The following BEST2 variants were observed in gnomAD, a reference collection of about 807,000 sequenced individuals.
BEST2 encodes bestrophin 2.
Under a neutral mutation model 49.0 loss-of-function variants are expected in BEST2, and 36 were observed. The ratio of observed to expected loss-of-function variants is 0.73; its 90% CI spans 0.56 to 0.97. The LOEUF is 0.97. Among genes scored for constraint, BEST2 ranks in the 50% least tolerant of loss-of-function variants. The probability of loss-of-function intolerance (pLI) is 0.00; values close to 1 mark genes in which losing one functional copy is unlikely to be tolerated. For synonymous variants in BEST2, 335 were observed against 304.4 expected (o/e 1.10, Z -1.05); for missense variants, 672 against 710.0 (o/e 0.95, Z 0.61).
chr19:12,754,966 C>T lies in BEST2; in HGVS notation c.571C>T (p.Leu191=). The change falls in exon 5 of 10, where the codon CTG becomes TTG. Residue 191 remains leucine (L), a synonymous_variant. Transcript: ENST00000553030. ...YWVPCVWFSN[L]AAQARREGRI... Reference sequence around the variant, plus strand: ...GGTGCCCTGCGTCTGGTTCTCCAACCTGGCGGCACAGGCCCGACGCGAGGG... The same window carrying T: ...GGTGCCCTGCGTCTGGTTCTCCAACTTGGCGGCACAGGCCCGACGCGAGGG... 6.2e-7 allele frequency: 1 copy of T among 1,613,844 alleles called. No homozygotes were observed. The highest frequency in any genetic ancestry group is 8.5e-7 in the Non-Finnish European group (1 of 1,179,914).
Position 12,755,357 on chromosome 19 carries a change from C to G in BEST2, c.637-22C>G. ...TGTGAGCTCACCATTCAGGCCTCCT[C>G]ATGACCTGTATCCACCCCCAGGAGC... On this transcript the variant is annotated intron_variant, in intron 5 of 9. Coordinates refer to ENST00000553030, the MANE Select transcript of BEST2 (RefSeq NM_017682.3). This position sits in a 1 kb window ranked among gnomAD's most constrained non-coding sequence, Gnocchi z 4.4. 6.2e-7 allele frequency: 1 copy of G among 1,612,632 alleles called. No homozygotes were observed. The highest frequency in any genetic ancestry group is 1.1e-5 in the South Asian group (1 of 91,048).
chr19:12,756,516 G>C (rs535499059), intron 9 of BEST2: 1 of 626,896 alleles, frequency 1.6e-6, no homozygotes, highest in East Asian at 2.9e-5. Flanking sequence ...TGAGGTCAGC[G>C]AGGATCAGAC....
At chr19:12,754,525 G>A in intron 3 of BEST2, 27 bp from the exon 4 acceptor site, 1 of 1,452,274 alleles carries the variant, frequency 6.9e-7, no homozygotes. Flanking sequence ...TGTCCCCACT[G>A]AGCCCCCATT....
chr19:12,756,586 G>A (rs1312101449), intron 9 of BEST2: 1 of 405,924 alleles, frequency 2.5e-6, no homozygotes, highest in East Asian at 4.9e-5. Context: ...GCTCACGCCT[G>A]TAATCCCAGT....
Position 12,752,543 on chromosome 19 carries a change from C to A in BEST2, c.-50C>A, listed in dbSNP as rs199575171. 3,278 of 1,597,012 alleles carry A rather than the reference C, an allele frequency of 2.1e-3. 69 individuals carry two copies. Among genetic ancestry groups the A allele is most frequent in the East Asian group, 6.5e-4 (29 of 44,694 alleles). ...GCACCTCTCCACCCACACCCGCAGC[C>A]CCCACCCGGGCCACCCACTCTCCCT... On this transcript the variant is annotated splice_region_variant and 5_prime_UTR_variant, in exon 2 of 10. Coordinates refer to ENST00000553030, the MANE Select transcript of BEST2 (RefSeq NM_017682.3).
intron 3 of BEST2, 104 bp downstream of exon 3, chr19:12,753,458 C>G (rs1286462868): frequency 2.4e-5 from 27 of 1,116,680 alleles, no homozygotes; most frequent in Middle Eastern, 2.2e-4. Context: ...GATCCCCCCC[C>G]TCAAATCCAA....
rs1599458250 is a variant in BEST2, at chr19:12,755,149, G to C, written c.636+118G>C. The C allele has an allele frequency of 7.7e-7, 1 of 1,305,256 alleles. No individual in the cohort carries two copies. The highest frequency in any genetic ancestry group is 2.5e-5 in the East Asian group (1 of 40,106). 80.9% of individuals were successfully genotyped at this position (1,305,256 alleles called of 1,614,324 possible). On this transcript the variant is annotated intron_variant, in intron 5 of 9. Coordinates refer to ENST00000553030, the MANE Select transcript of BEST2 (RefSeq NM_017682.3). This position sits in a 1 kb window ranked among gnomAD's most constrained non-coding sequence, Gnocchi z 4.4. ...GGCCGATTTCAAACACCCTCACCAG[G>C]TGCACTCTTACCTCCATGGGGCTGA...
chr19:12,754,756 T>C lies in BEST2; in HGVS notation c.452T>C (p.Phe151Ser). 6.3e-7 allele frequency: 1 copy of C among 1,589,490 alleles called. No individual in the cohort carries two copies. Among genetic ancestry groups the C allele is most frequent in the Middle Eastern group, 1.7e-4 (1 of 6,026 alleles). ...GTCAGCACCGCGGTGTTCAAGCGCTTCCCCACCATAGACCACGTGGTGGAG... is the reference window on the plus strand; with the variant it reads ...GTCAGCACCGCGGTGTTCAAGCGCTCCCCCACCATAGACCACGTGGTGGAG... ...RSVSTAVFKRFPTIDHVVEAG... is the reference protein window; with the variant it reads ...RSVSTAVFKRSPTIDHVVEAG... The change falls in exon 4 of 10, where the codon TTC becomes TCC. Residue 151 changes from phenylalanine to serine, a missense_variant. Around this residue, in one of 3 missense-constraint regions of BEST2, gnomAD observed 365 missense variants for 390.9 expected, o/e 0.93. Transcript: ENST00000553030.
rs1175518472 is a variant in BEST2 at position 12,758,133 on chromosome 19, C to A, written c.*56C>A. The A allele has an allele frequency of 1.3e-6, 2 of 1,571,842 alleles. No individual in the cohort carries two copies. Among genetic ancestry groups the A allele is most frequent in the Non-Finnish European group, 1.7e-6 (2 of 1,156,758 alleles). ...GAACCAGGTCCCTGCACGGCACCCA[C>A]GCAGGTGTCCCGGTCTGCATAAGCC... On this transcript the variant is annotated 3_prime_UTR_variant, in exon 10 of 10. Transcript: ENST00000553030.
In BEST2 at chr19:12,757,893, G is replaced by A. The variant is rs777527950; in HGVS notation, c.1346G>A (p.Gly449Glu). 37 of 1,552,398 alleles carry A rather than the reference G, an allele frequency of 2.4e-5. No homozygotes were observed. Among genetic ancestry groups the A allele is most frequent in the Admixed American group, 1.4e-4 (7 of 51,058 alleles). The change falls in exon 10 of 10, where the codon GGG becomes GAG. Residue 449 changes from glycine to glutamate, a missense_variant. By Grantham distance (98) the Gly-to-Glu change is moderately conservative. Around this residue, in one of 3 missense-constraint regions of BEST2, gnomAD observed 291 missense variants for 279.8 expected, o/e 1.04. Coordinates refer to ENST00000553030, the MANE Select transcript of BEST2 (RefSeq NM_017682.3). ...PEGAAPECSC[G>E]DPLLDPGLPE... ...GGCGCGGCCCCGGAGTGCAGCTGCGGGGACCCGCTGCTCGACCCCGGCCTG... is the reference window on the plus strand; with the variant it reads ...GGCGCGGCCCCGGAGTGCAGCTGCGAGGACCCGCTGCTCGACCCCGGCCTG...
rs368197840 is a variant in BEST2 at position 12,752,630 on chromosome 19, G to T, written c.38G>T (p.Arg13Leu). 1 of 1,612,266 alleles carries T rather than the reference G, an allele frequency of 6.2e-7. No individual in the cohort carries two copies. Among genetic ancestry groups the T allele is most frequent in the African/African-American group, 1.3e-5 (1 of 74,782 alleles). The change falls in exon 2 of 10, where the codon CGC becomes CTC. Residue 13 changes from arginine to leucine, a missense_variant. By Grantham distance (102) the Arg-to-Leu change is moderately radical. Around this residue, in one of 3 missense-constraint regions of BEST2, gnomAD observed 365 missense variants for 390.9 expected, o/e 0.93. Transcript: ENST00000553030. The stretch of plus-strand genomic sequence containing the variant: ...TACACAGCCCGAGTGGCGAACGCCC[G>T]CTTCGGTGGCTTCTCCCAGCTGCTG... ...VTYTARVANARFGGFSQLLLL... is the reference protein window; with the variant it reads ...VTYTARVANALFGGFSQLLLL...
chr19:12,756,845 CA>C, intron 9 of BEST2: 1 of 154,332 alleles, frequency 6.5e-6, no homozygotes, highest in South Asian at 2.0e-4. Context: ...GAGCCTGTCT[CA>C]AAAAATGAAA....
Position 12,758,062 on chromosome 19 carries a change from G to A in BEST2, c.1515G>A (p.Glu505=). The A allele has an allele frequency of 6.2e-7, 1 of 1,612,972 alleles. No homozygotes were observed. The highest frequency in any genetic ancestry group is 8.5e-7 in the Non-Finnish European group (1 of 1,179,854). ...TGCCCAGCCCTATTGGCGAGGAGGA[G>A]GAGAATCTGGCCTGAGATCTTAGAG... ...PWLPSPIGEE[E]ENLA is the part of the protein sequence containing the mutation. The change falls in exon 10 of 10, where the codon GAG becomes GAA. Residue 505 remains glutamate, a synonymous_variant. Coordinates refer to ENST00000553030, the MANE Select transcript of BEST2 (RefSeq NM_017682.3).
rs762699876 is a variant in BEST2, at chr19:12,754,985, G to A, written c.590G>A (p.Arg197His). Residue 197 changes from arginine to histidine, a missense_variant, in exon 5 of 10, where the codon CGC becomes CAC. Physicochemically the swap from Arg to His is conservative, Grantham distance 29. Transcript: ENST00000553030. ...TCCAACCTGGCGGCACAGGCCCGAC[G>A]CGAGGGCCGCATCCGCGACAACAGC... Reference protein sequence around the residue: ...WFSNLAAQARREGRIRDNSAL... With the variant: ...WFSNLAAQARHEGRIRDNSAL... 4.3e-6 allele frequency: 7 copies of A among 1,612,304 alleles called. No individual in the cohort carries two copies. The highest frequency in any genetic ancestry group is 2.2e-5 in the East Asian group (1 of 44,874).
In BEST2 at chr19:12,758,158, C is replaced by G; in HGVS notation, c.*81C>G. ...CGCAGGTGTCCCGGTCTGCATAAGC[C>G]TCGTGTGCCTTTGTAAAGTCCACCT... is the stretch of plus-strand genomic sequence containing the variant. On this transcript the variant is annotated 3_prime_UTR_variant, in exon 10 of 10. Coordinates refer to ENST00000553030, the MANE Select transcript of BEST2 (RefSeq NM_017682.3). 6.8e-7 allele frequency: 1 copy of G among 1,475,662 alleles called. No individual in the cohort carries two copies. The allele number at this position is 1,475,662 out of a possible 1,614,324, so 91.4% of individuals were successfully genotyped here.
Position 12,754,792 on chromosome 19 carries a change from A to C in BEST2, c.481+7A>C. The C allele has an allele frequency of 6.3e-7, 1 of 1,578,596 alleles. No homozygotes were observed. The highest frequency in any genetic ancestry group is 8.6e-7 in the Non-Finnish European group (1 of 1,161,674). On this transcript the variant is annotated splice_region_variant and intron_variant, in intron 4 of 9. Coordinates refer to ENST00000553030, the MANE Select transcript of BEST2 (RefSeq NM_017682.3). ...GACCACGTGGTGGAGGCTGGTGAGT[A>C]CTCGGCCAGAGGCAGGGCAGAGACC...
intron 2 of BEST2, 115 bp from the exon 3 acceptor site, chr19:12,753,145 C>A: frequency 9.3e-7 from 1 of 1,080,016 alleles, no homozygotes. Flanking sequence ...CCCATAGCAC[C>A]CGGCTGGGGG....
intron 9 of BEST2, among the ~76,000 whole-genome samples, chr19:12,757,246 C>T (rs1967955834): frequency 6.6e-6 from 1 of 152,056 alleles, no homozygotes; most frequent in Non-Finnish European, 1.5e-5. Context: ...AACCCCATCT[C>T]TACTAAAAAT....
At chr19:12,757,542 GA>G in intron 9 of BEST2, 108 bp from the exon 10 acceptor site, 2 of 1,244,110 alleles carry the variant, frequency 1.6e-6, no homozygotes, top group South Asian at 1.4e-5. Flanking sequence ...GATCTTTGGG[GA>G]TAAGTGGGAC....
Sources: allele counts gnomAD v4.1 joint callset (sites outside exome capture counted in the v4.1 genomes callset), GRCh38; gene constraint gnomAD v4.1.1; regional missense constraint gnomAD v4.1.1; non-coding constraint Gnocchi (gnomAD v3.1); transcripts MANE v1.5; gene names NCBI Gene and HGNC (gene_info 2026-07-23, HGNC 2026-07-21).